The following UHRF2 variants were observed in gnomAD, a reference collection of about 807,000 sequenced individuals.
UHRF2 encodes E3 ubiquitin-protein ligase UHRF2.
Under a neutral mutation model 96.8 loss-of-function variants are expected in UHRF2, and 23 were observed. That is an observed-to-expected ratio of 0.24 (90% CI 0.17 to 0.34). UHRF2 has a LOEUF of 0.34. Ranked by LOEUF, UHRF2 falls within the 10% of genes least tolerant of loss-of-function variation. The probability of loss-of-function intolerance (pLI) is 1.00; values close to 1 mark genes in which losing one functional copy is unlikely to be tolerated. For missense variants in UHRF2, 685 were observed against 981.5 expected (o/e 0.70, Z 4.04); for synonymous variants, 385 against 332.6 (o/e 1.16, Z -1.72).
At chr9:6,436,051 A>C (rs1335896829) in intron 3 of UHRF2, among the ~76,000 whole-genome samples, 2 of 152,228 alleles carry the variant, frequency 1.3e-5, no homozygotes, top group Non-Finnish European at 2.9e-5. Context: ...TAGTATATTA[A>C]ACACACTAAA....
Position 6,481,634 on chromosome 9 carries a change from C to A in UHRF2, c.1161-9C>A. The A allele has an allele frequency of 6.2e-7, 1 of 1,602,648 alleles. No homozygotes were observed. Among genetic ancestry groups the A allele is most frequent in the Non-Finnish European group, 8.5e-7 (1 of 1,176,504 alleles). On this transcript the variant is annotated splice_polypyrimidine_tract_variant and intron_variant, in intron 6 of 15. Coordinates refer to ENST00000276893, the MANE Select transcript of UHRF2 (RefSeq NM_152896.3). ...TGAAAATGCCTTCGTTCTTTTTTTT[C>A]TTTTAAAGGTATTGTCCTTCTTGTA... is the stretch of plus-strand genomic sequence containing the variant.
chr9:6,467,462 C>T (rs1822938830), intron 4 of UHRF2, among the ~76,000 whole-genome samples: 1 of 152,014 alleles, frequency 6.6e-6, no homozygotes, highest in Admixed American at 6.6e-5. Flanking sequence ...CTTTGGGGCC[C>T]ATTGTTCTGC....
At chr9:6,444,016 A>T (rs1821341998) in intron 3 of UHRF2, among the ~76,000 whole-genome samples, 1 of 152,224 alleles carries the variant, frequency 6.6e-6, no homozygotes, top group South Asian at 2.1e-4. Context: ...GTTTTTCCAA[A>T]AAGTAACAAA....
At chr9:6,431,642 A>C (rs968145707) in intron 2 of UHRF2, among the ~76,000 whole-genome samples, 1 of 152,004 alleles carries the variant, frequency 6.6e-6, no homozygotes, top group East Asian at 1.9e-4. Context: ...AGAATGCCCT[A>C]CCTTTGTGAG....
chr9:6,489,751 T>C (rs1824545024), intron 9 of UHRF2, among the ~76,000 whole-genome samples: 2 of 150,208 alleles, frequency 1.3e-5, no homozygotes, highest in Admixed American at 1.3e-4. Context: ...TTTTTTACCA[T>C]TCATCAGATA....
intron 6 of UHRF2, among the ~76,000 whole-genome samples, chr9:6,480,534 C>G (rs1255469595): frequency 6.6e-6 from 1 of 152,202 alleles, no homozygotes; most frequent in Non-Finnish European, 1.5e-5. Context: ...TTTCGCTTCA[C>G]CTGAAACTCC....
rs1169963266 is a variant in UHRF2, at chr9:6,421,049, T to C, written c.291T>C (p.Pro97=). 1.2e-6 allele frequency: 2 copies of C among 1,614,166 alleles called. No homozygotes were observed. The highest frequency in any genetic ancestry group is 1.6e-4 in the Middle Eastern group (1 of 6,062). Residue 97 remains proline, a synonymous_variant, in exon 2 of 16, where the codon CCT becomes CCC. Coordinates refer to ENST00000276893, the MANE Select transcript of UHRF2 (RefSeq NM_152896.3). ...IEAKPCSNSP[P]KVKKAPRVGP... ...CTAAACCCTGTTCTAATAGTCCACC[T>C]AAAGTAAAGAAAGCTCCGAGGGTAG...
intron 2 of UHRF2, among the ~76,000 whole-genome samples, chr9:6,431,091 T>G (rs10758789): frequency 0.73 from 110,886 of 152,084 alleles, 41,898 homozygotes; most frequent in South Asian, 0.83. Context: ...GGCCTAAGTA[T>G]TTTTCCTCTG....
chr9:6,457,247 G>T (rs1221945090), intron 3 of UHRF2, among the ~76,000 whole-genome samples: 2 of 151,978 alleles, frequency 1.3e-5, no homozygotes, highest in Non-Finnish European at 2.9e-5. Flanking sequence ...GTATTCCTAG[G>T]TATTTTATTC....
At chr9:6,440,489 T>C (rs190339544) in intron 3 of UHRF2, among the ~76,000 whole-genome samples, 1 of 152,344 alleles carries the variant, frequency 6.6e-6, no homozygotes, top group African/African-American at 2.4e-5. Context: ...ATATAATTGA[T>C]AATAGCCAAC....
chr9:6,451,927 A>C (rs1821895167), intron 3 of UHRF2, among the ~76,000 whole-genome samples: 1 of 151,952 alleles, frequency 6.6e-6, no homozygotes, highest in African/African-American at 2.4e-5. Context: ...TTTTTAAGTA[A>C]CAATGTTAGT....
rs1040357289 is a variant in UHRF2, at chr9:6,500,626, C to T, written c.2080C>T (p.Pro694Ser). 6.2e-7 allele frequency: 1 copy of T among 1,613,998 alleles called. No homozygotes were observed. Among genetic ancestry groups the T allele is most frequent in the Non-Finnish European group, 8.5e-7 (1 of 1,179,978 alleles). The change falls in exon 14 of 16, where the codon CCT (proline) becomes TCT (serine). Residue 694 changes from proline to serine, a missense_variant. By Grantham distance (74) the Pro-to-Ser change is moderately conservative. This residue lies in a region of UHRF2 where 99 missense variants were observed against 73.5 expected (regional missense o/e 1.35). Coordinates refer to ENST00000276893, the MANE Select transcript of UHRF2 (RefSeq NM_152896.3). ...AEAIEAFQLTPQQQHLIREDC... is the reference protein window; with the variant it reads ...AEAIEAFQLTSQQQHLIREDC... ...AGCAATTGAGGCTTTTCAACTAACTCCTCAACAGCAACATCTCATCAGAGA... is the reference window on the plus strand; with the variant it reads ...AGCAATTGAGGCTTTTCAACTAACTTCTCAACAGCAACATCTCATCAGAGA...
At chr9:6,469,630 G>A (rs746940519) in intron 4 of UHRF2, among the ~76,000 whole-genome samples, 4 of 149,984 alleles carry the variant, frequency 2.7e-5, no homozygotes, top group Non-Finnish European at 5.9e-5. Context: ...ATGTACAAGA[G>A]TGTTAGACAC....
chr9:6,494,748 G>A (rs1236867678), intron 10 of UHRF2: 1 of 152,084 alleles, frequency 6.6e-6, no homozygotes, highest in Non-Finnish European at 1.5e-5. Context: ...AAAAGTGAGT[G>A]TTTTTCACTT....
chr9:6,467,483 A>T (rs1822940334), intron 4 of UHRF2, among the ~76,000 whole-genome samples: 1 of 151,732 alleles, frequency 6.6e-6, no homozygotes, highest in African/African-American at 2.4e-5. Context: ...CTGTCATACC[A>T]CTGGAATGTT....
intron 3 of UHRF2, among the ~76,000 whole-genome samples, chr9:6,455,310 C>G (rs1027682473): frequency 2.6e-5 from 4 of 152,134 alleles, no homozygotes; most frequent in Admixed American, 2.0e-4. Context: ...CACAACAGGC[C>G]CGGGTGTGCG....
In UHRF2 at chr9:6,460,586, G is replaced by T; in HGVS notation, c.658G>T (p.Gly220Cys). The change falls in exon 4 of 16, where the codon GGT becomes TGT. Residue 220 changes from glycine (G) to cysteine (C), a missense_variant. Coordinates refer to ENST00000276893, the MANE Select transcript of UHRF2 (RefSeq NM_152896.3). ...HIQYDEYPES[G>C]TLEMNVKDLR... Reference sequence around the variant, plus strand: ...CTCTCTCCTCAGATACCCAGAAAGCGGTACTCTAGAAATGAATGTCAAGGA... The same window carrying T: ...CTCTCTCCTCAGATACCCAGAAAGCTGTACTCTAGAAATGAATGTCAAGGA... 1.2e-6 allele frequency: 2 copies of T among 1,603,176 alleles called. No individual in the cohort carries two copies. The highest frequency in any genetic ancestry group is 1.1e-5 in the South Asian group (1 of 90,380).
chr9:6,469,904 A>C lies in UHRF2; in HGVS notation c.864-5487A>C, dbSNP rs1211080174. On this transcript the variant is annotated intron_variant, in intron 4 of 15. Transcript: ENST00000276893. ...CAAAACTGATTAAAGATACAAGTTC[A>C]GGTCAAAGAAGTTCTGTAAATTCTA... is the stretch of plus-strand genomic sequence containing the variant. Among the ~76,000 whole-genome samples the C allele has an allele frequency of 2.0e-5, 3 of 152,222 alleles. No homozygotes were observed. The East Asian group carries it at 5.8e-4, about 29-fold the overall frequency.
At chr9:6,430,036 T>A (rs572718904) in intron 2 of UHRF2, among the ~76,000 whole-genome samples, 10 of 152,360 alleles carry the variant, frequency 6.6e-5, no homozygotes, top group African/African-American at 2.4e-4. Flanking sequence ...TTTTTTGAAA[T>A]GGAGTTTTAC....
Sources: allele counts gnomAD v4.1 joint callset (sites outside exome capture counted in the v4.1 genomes callset), GRCh38; gene constraint gnomAD v4.1.1; regional missense constraint gnomAD v4.1.1; transcripts MANE v1.5; gene names NCBI Gene and HGNC (gene_info 2026-07-23, HGNC 2026-07-21).